FOXP2: variants seen among roughly 807,000 people sequenced by gnomAD.
FOXP2 encodes forkhead box P2.
A neutral mutation model predicts 115.8 loss-of-function variants in FOXP2; 12 were observed. The observed-to-expected ratio is 0.10, with a 90% CI of 0.07 to 0.17. FOXP2 has a LOEUF of 0.17. Among genes scored for constraint, FOXP2 ranks in the 10% least tolerant of loss-of-function variants. FOXP2 has a pLI of 1.00. For missense variants in FOXP2, 629 were observed against 843.5 expected (o/e 0.75, Z 3.15); for synonymous variants, 328 against 297.7 (o/e 1.10, Z -1.05).
intron 2 of FOXP2, among the ~76,000 whole-genome samples, chr7:114,445,585 A>G (rs1448645312): frequency 6.6e-6 from 1 of 152,174 alleles, no homozygotes; most frequent in East Asian, 1.9e-4. Context: ...TGGGATACCA[A>G]CTAGTTTTCA....
rs116314527 is a variant in FOXP2, at chr7:114,608,809, C to A, written c.259-19731C>A. On this transcript the variant is annotated intron_variant, in intron 3 of 16. Coordinates refer to ENST00000350908, the MANE Select transcript of FOXP2 (RefSeq NM_014491.4). ...AAAAGGTGTTTTATTACATTAATAA[C>A]CCTGTACCTGGATAAAATAGCTTTG... Among the ~76,000 whole-genome samples, 1,517 of 152,212 alleles carry A rather than the reference C, an allele frequency of 1.0e-2. 21 individuals carry two copies. The highest frequency in any genetic ancestry group is 0.035 in the African/African-American group (1,447 of 41,526).
In FOXP2 at chr7:114,691,808, A is replaced by AGC; in HGVS notation, c.*1882_*1883insGC. On this transcript the variant is annotated 3_prime_UTR_variant, in exon 17 of 17. Transcript: ENST00000350908. Reference sequence around the variant, plus strand: ...TAAGCTCATCATTGATTCTTTGCTGAAGTCAGCAAATAGAGTTAGAGAGAT... The same window carrying AGC: ...TAAGCTCATCATTGATTCTTTGCTGAGCAGTCAGCAAATAGAGTTAGAGAGAT... 2.2e-6 allele frequency: 1 copy of AGC among 453,440 alleles called. No homozygotes were observed. Among genetic ancestry groups the AGC allele is most frequent in the Non-Finnish European group, 4.4e-6 (1 of 226,464 alleles). 28.1% of individuals were successfully genotyped at this position (453,440 alleles called of 1,614,324 possible).
chr7:114,212,092 A>AATAAG (rs1451460905), intron 1 of FOXP2, among the ~76,000 whole-genome samples: 1 of 93,430 alleles, frequency 1.1e-5, no homozygotes, highest in South Asian at 4.0e-4. Context: ...AATAAAATAA[A>AATAAG]ATAAAATAAA....
chr7:114,581,121 A>C (rs1045631693), intron 3 of FOXP2, among the ~76,000 whole-genome samples: 1 of 150,956 alleles, frequency 6.6e-6, no homozygotes, highest in Non-Finnish European at 1.5e-5. Flanking sequence ...ACACGGACAG[A>C]TTGGATTTGT....
chr7:114,597,430 A>T (rs1802788132), intron 3 of FOXP2, among the ~76,000 whole-genome samples: 1 of 152,174 alleles, frequency 6.6e-6, no homozygotes, highest in Non-Finnish European at 1.5e-5. Context: ...TATATACATT[A>T]TAGTCCATTC....
chr7:114,503,675 A>T (rs891065387), intron 2 of FOXP2, among the ~76,000 whole-genome samples: 17 of 151,106 alleles, frequency 1.1e-4, no homozygotes, highest in African/African-American at 3.9e-4. Flanking sequence ...AAATAAGCCA[A>T]ATTAATCCAC....
intron 1 of FOXP2, among the ~76,000 whole-genome samples, chr7:114,101,898 T>TG (rs1277539525): frequency 1.1e-4 from 12 of 110,842 alleles, no homozygotes; most frequent in Non-Finnish European, 1.6e-4. Flanking sequence ...GCTTCAACAT[T>TG]TTGTGTGTGT....
At chr7:114,246,649 G>A (rs1417546713) in intron 1 of FOXP2, among the ~76,000 whole-genome samples, 1 of 152,002 alleles carries the variant, frequency 6.6e-6, no homozygotes. Context: ...AGCATTTACA[G>A]TGTAGTTCTA....
intron 1 of FOXP2, among the ~76,000 whole-genome samples, chr7:114,233,112 C>A (rs1206775747): frequency 6.6e-6 from 1 of 152,066 alleles, no homozygotes; most frequent in Non-Finnish European, 1.5e-5. Flanking sequence ...TTGTTGTTAA[C>A]AATACTCTTC....
At position 114,587,789 on chromosome 7, in the gene FOXP2, T is replaced by G. The variant is rs1163643113; in HGVS notation, c.259-40751T>G. Among the ~76,000 whole-genome samples the G allele has an allele frequency of 2.7e-5, 4 of 147,554 alleles. No individual in the cohort carries two copies. The East Asian group carries it at 6.1e-4, about 22-fold the overall frequency. ...AAAATACAGAATTATTTCCTAAACC[T>G]GTATAGGAAGAGGAGACCATTCTCA... On this transcript the variant is annotated intron_variant, in intron 3 of 16. Transcript: ENST00000350908.
chr7:114,574,104 T>G lies in FOXP2; in HGVS notation c.258+39398T>G, dbSNP rs575441553. Among the ~76,000 whole-genome samples the G allele has an allele frequency of 2.0e-5, 3 of 151,954 alleles. No individual in the cohort carries two copies. In the East Asian group the frequency reaches 5.8e-4, roughly 29 times the overall value. Reference sequence around the variant, plus strand: ...AATGTACTCACTAATAAATTATATTTAATGTGCCTCTATCAATTCATTGCA... The same window carrying G: ...AATGTACTCACTAATAAATTATATTGAATGTGCCTCTATCAATTCATTGCA... On this transcript the variant is annotated intron_variant, in intron 3 of 16. Coordinates refer to ENST00000350908, the MANE Select transcript of FOXP2 (RefSeq NM_014491.4).
At chr7:114,688,652 G>T in intron 16 of FOXP2, among the ~76,000 whole-genome samples, 1 of 152,128 alleles carries the variant, frequency 6.6e-6, no homozygotes, top group East Asian at 1.9e-4. Flanking sequence ...CCTTGTTTGT[G>T]TGTGACAGCA....
At chr7:114,278,938 A>G (rs552428048) in intron 1 of FOXP2, among the ~76,000 whole-genome samples, 1 of 152,246 alleles carries the variant, frequency 6.6e-6, no homozygotes, top group South Asian at 2.1e-4. Flanking sequence ...TGCCCAGCAC[A>G]CTGCCCAATT....
intron 1 of FOXP2, among the ~76,000 whole-genome samples, chr7:114,200,408 C>G (rs1794029559): frequency 6.6e-6 from 1 of 152,114 alleles, no homozygotes; most frequent in African/African-American, 2.4e-5. Context: ...ATTCACTTTA[C>G]TGGATATAAT....
intron 1 of FOXP2, among the ~76,000 whole-genome samples, chr7:114,235,659 A>G (rs2129166630): frequency 6.6e-6 from 1 of 152,230 alleles, no homozygotes; most frequent in East Asian, 1.9e-4. Flanking sequence ...TCTGCTCCTT[A>G]CTGTTCTCAA....
At chr7:114,231,304 A>G (rs905360119) in intron 1 of FOXP2, among the ~76,000 whole-genome samples, 1 of 152,162 alleles carries the variant, frequency 6.6e-6, no homozygotes. Context: ...CACCCAAAGC[A>G]ATCTACAGAT....
intron 1 of FOXP2, among the ~76,000 whole-genome samples, chr7:114,258,283 G>A (rs959551817): frequency 6.6e-6 from 1 of 152,082 alleles, no homozygotes; most frequent in African/African-American, 2.4e-5. Flanking sequence ...TGTACATGTG[G>A]GTTATGTGTC....
chr7:114,438,671 A>G (rs914406734), intron 2 of FOXP2, among the ~76,000 whole-genome samples: 1 of 152,124 alleles, frequency 6.6e-6, no homozygotes, highest in African/African-American at 2.4e-5. Flanking sequence ...AAATTTGCTG[A>G]AGAATAATTT....
At chr7:114,528,161 C>G (rs898017386) in intron 2 of FOXP2, among the ~76,000 whole-genome samples, 2 of 152,086 alleles carry the variant, frequency 1.3e-5, no homozygotes, top group South Asian at 2.1e-4. Context: ...AGCGTATGCT[C>G]TATCCAAGAT....
Sources: gnomAD v4.1 joint callset for allele counts (sites outside exome capture counted in the v4.1 genomes callset) on GRCh38, gnomAD v4.1.1 for gene constraint, MANE v1.5 for transcripts, NCBI Gene and HGNC (gene_info 2026-07-23, HGNC 2026-07-21) for gene names.